The following RELN variants were observed in gnomAD, a reference collection of about 807,000 sequenced individuals.
RELN encodes the protein reelin.
RELN carries 108 observed loss-of-function variants against 427.6 expected under a neutral mutation model. The observed-to-expected ratio is 0.25, with a 90% CI of 0.22 to 0.30. The LOEUF (loss-of-function observed/expected upper bound fraction) is 0.30. Ranked by LOEUF, RELN falls within the 10% of genes least tolerant of loss-of-function variation. RELN has a pLI of 1.00. For synonymous variants in RELN, 1,524 were observed against 1,513.4 expected, an observed-to-expected ratio of 1.01 and a Z score of -0.16; for missense variants, 3,715 against 4,302.8, an observed-to-expected ratio of 0.86 and a Z score of 3.82.
At chr7:103,521,937 T>C in intron 48 of RELN, 85 bp downstream of exon 48, 2 of 1,362,046 alleles carry the variant, frequency 1.5e-6, no homozygotes, top group Non-Finnish European at 2.1e-6. Flanking sequence ...CATCTTGATT[T>C]GCCCATTAAA....
At chr7:103,820,708 G>T (rs1180395001) in intron 3 of RELN, among the ~76,000 whole-genome samples, 1 of 152,034 alleles carries the variant, frequency 6.6e-6, no homozygotes, top group Non-Finnish European at 1.5e-5. Context: ...GATTCTAAAT[G>T]AAGTTCATTA....
At chr7:103,874,228 T>C (rs1237307204) in intron 2 of RELN, among the ~76,000 whole-genome samples, 1 of 118,132 alleles carries the variant, frequency 8.5e-6, no homozygotes, top group African/African-American at 3.0e-5. Flanking sequence ...GAGCTATCTA[T>C]GACAAACCCA....
intron 46 of RELN, among the ~76,000 whole-genome samples, chr7:103,525,938 G>A (rs1829814047): frequency 6.6e-6 from 1 of 152,150 alleles, no homozygotes; most frequent in African/African-American, 2.4e-5. Flanking sequence ...GGCACCTACA[G>A]ATGGAGCTTC....
At chr7:103,561,151 G>GA (rs934795873) in intron 36 of RELN, among the ~76,000 whole-genome samples, 25 of 147,202 alleles carry the variant, frequency 1.7e-4, no homozygotes, top group East Asian at 4.0e-4. Context: ...TCTATTGGCA[G>GA]AAAAAAAAAG....
At chr7:103,651,083 G>C (rs1276161789) in intron 15 of RELN, among the ~76,000 whole-genome samples, 1 of 151,942 alleles carries the variant, frequency 6.6e-6, no homozygotes, top group Non-Finnish European at 1.5e-5. Context: ...TTCTCCCCTA[G>C]CCCTACACAC....
At chr7:103,728,377 A>C (rs2115936052) in intron 6 of RELN, among the ~76,000 whole-genome samples, 170 bp from the exon 7 acceptor site, 1 of 152,308 alleles carries the variant, frequency 6.6e-6, no homozygotes, top group African/African-American at 2.4e-5. Context: ...GAAACCAGAA[A>C]GACTTGAACA....
intron 4 of RELN, among the ~76,000 whole-genome samples, chr7:103,762,511 A>T (rs1207181134): frequency 6.6e-6 from 1 of 152,166 alleles, no homozygotes; most frequent in Non-Finnish European, 1.5e-5. Context: ...AGGCCACAGT[A>T]GCAATTAGAG....
intron 10 of RELN, among the ~76,000 whole-genome samples, chr7:103,692,246 G>A (rs1015547185): frequency 3.3e-5 from 5 of 152,148 alleles, no homozygotes; most frequent in Admixed American, 1.3e-4. Flanking sequence ...TCATTAGCCA[G>A]AGATGCAATG....
intron 11 of RELN, among the ~76,000 whole-genome samples, chr7:103,665,296 G>A (rs563753501): frequency 1.1e-4 from 16 of 151,536 alleles, no homozygotes; most frequent in Admixed American, 4.6e-4. Context: ...TAGTCTATAT[G>A]TCCATCTCCG....
chr7:103,988,564 G>T lies in RELN; in HGVS notation c.226+567C>A, dbSNP rs115458906. Among the ~76,000 whole-genome samples the T allele has an allele frequency of 7.9e-4, 120 of 152,270 alleles. No individual in the cohort carries two copies. Among genetic ancestry groups the T allele is most frequent in the Middle Eastern group, 3.4e-3 (1 of 294 alleles). On this transcript the variant is annotated intron_variant, in intron 1 of 64. Transcript: ENST00000428762. This position sits in a 1 kb window ranked among gnomAD's most constrained non-coding sequence, Gnocchi z 4.9. ...AAAGAATAGGGAGCTGGAAGCAGCCGCTCCCTTTCAGGAGGGCTGTATGAC... is the reference window on the plus strand; with the variant it reads ...AAAGAATAGGGAGCTGGAAGCAGCCTCTCCCTTTCAGGAGGGCTGTATGAC...
chr7:103,898,420 C>T (rs553011161), intron 2 of RELN, among the ~76,000 whole-genome samples: 2 of 151,896 alleles, frequency 1.3e-5, no homozygotes, highest in African/African-American at 2.4e-5. Context: ...CAATGATATA[C>T]AAACTGTTTG....
intron 2 of RELN, among the ~76,000 whole-genome samples, chr7:103,863,278 AT>A (rs1187312951): frequency 6.6e-6 from 1 of 152,156 alleles, no homozygotes; most frequent in Non-Finnish European, 1.5e-5. Context: ...TTCAAAAGAC[AT>A]TTTTGACACA....
rs1398697247 is a variant in RELN, at chr7:103,551,145, G to T, written c.6224C>A (p.Pro2075His). The change falls in exon 41 of 65, where the codon CCC becomes CAC. Residue 2075 changes from proline to histidine, a missense_variant. Physicochemically the swap from Pro to His is moderately conservative, Grantham distance 77 (BLOSUM62 -2). This residue lies in a region of RELN where 1,310 missense variants were observed against 1,643.0 expected (regional missense o/e 0.80). Coordinates refer to ENST00000428762, the MANE Select transcript of RELN (RefSeq NM_005045.4). ...VSSLCSTEHHPSSTYYAGTMQ... is the reference protein window; with the variant it reads ...VSSLCSTEHHHSSTYYAGTMQ... ...GGTTCCTGCGTAGTAGGTGCTGCTGGGGTGGTGCTCGGTGGAGCATAAAGA... is the reference window on the plus strand; with the variant it reads ...GGTTCCTGCGTAGTAGGTGCTGCTGTGGTGGTGCTCGGTGGAGCATAAAGA... The T allele has an allele frequency of 6.2e-7, 1 of 1,614,084 alleles. No homozygotes were observed. Among genetic ancestry groups the T allele is most frequent in the Non-Finnish European group, 8.5e-7 (1 of 1,180,012 alleles).
intron 46 of RELN, 150 bp downstream of exon 46, chr7:103,535,166 T>C (rs1180555177): frequency 2.3e-5 from 18 of 777,906 alleles, no homozygotes; most frequent in Non-Finnish European, 4.0e-5. Flanking sequence ...ATTTTACTCA[T>C]TAAGACAGCC....
chr7:103,644,772 G>A (rs977486986), intron 16 of RELN, among the ~76,000 whole-genome samples: 15 of 151,590 alleles, frequency 9.9e-5, no homozygotes, highest in African/African-American at 3.1e-4. Flanking sequence ...AGATTTAAGA[G>A]GCTCACAGAA....
chr7:103,880,575 G>A (rs1056094822), intron 2 of RELN, among the ~76,000 whole-genome samples: 2 of 152,146 alleles, frequency 1.3e-5, no homozygotes, highest in Non-Finnish European at 1.5e-5. Context: ...GGGGACCAAG[G>A]TTCAAATTTC....
chr7:103,695,706 T>C lies in RELN; in HGVS notation c.1143+2147A>G, dbSNP rs1289458003. ...GACCATCATCACAAAATGATGTGAA[T>C]CCCAGGCCCCGAGGTCTCCTGGGTT... On this transcript the variant is annotated intron_variant, in intron 10 of 64. Coordinates refer to ENST00000428762, the MANE Select transcript of RELN (RefSeq NM_005045.4). 2.0e-5 allele frequency among the ~76,000 whole-genome samples: 3 copies of C among 152,250 alleles called. No individual in the cohort carries two copies. In the East Asian group the frequency reaches 5.8e-4, roughly 29 times the overall value.
chr7:103,893,937 TCTC>T (rs1362989890), intron 2 of RELN, among the ~76,000 whole-genome samples: 2 of 152,240 alleles, frequency 1.3e-5, no homozygotes, highest in Admixed American at 1.3e-4. Context: ...CAGCACTTAT[TCTC>T]CTTCCTGTGT....
At chr7:103,906,304 ACTT>A (rs1373124376) in intron 2 of RELN, among the ~76,000 whole-genome samples, 4 of 152,120 alleles carry the variant, frequency 2.6e-5, no homozygotes, top group Non-Finnish European at 1.5e-5. Flanking sequence ...CCCGCAAGTT[ACTT>A]ATGCTCTTTT....
Sources: allele counts gnomAD v4.1 joint callset (sites outside exome capture counted in the v4.1 genomes callset), GRCh38; gene constraint gnomAD v4.1.1; regional missense constraint gnomAD v4.1.1; non-coding constraint Gnocchi (gnomAD v3.1); transcripts MANE v1.5; gene names NCBI Gene and HGNC (gene_info 2026-07-23, HGNC 2026-07-21).